The following PPP1R1C variants were observed in gnomAD, a reference collection of about 807,000 sequenced individuals.
PPP1R1C encodes protein phosphatase 1 regulatory subunit 1C.
A neutral mutation model predicts 17.4 loss-of-function variants in PPP1R1C; 15 were observed. The ratio of observed to expected loss-of-function variants is 0.86; its 90% CI spans 0.58 to 1.33. The LOEUF (loss-of-function observed/expected upper bound fraction) is 1.33, where lower values mean the gene tolerates loss of function less well. Among genes scored for constraint, PPP1R1C ranks in the 40% most tolerant of loss-of-function variants. The probability of loss-of-function intolerance (pLI) is 0.00; values close to 1 mark genes in which losing one functional copy is unlikely to be tolerated. For missense variants in PPP1R1C, 143 were observed against 130.0 expected (o/e 1.10, Z -0.48); for synonymous variants, 35 against 43.1 (o/e 0.81, Z 0.73).
chr2:182,097,887 A>T (rs1318932452), intron 4 of PPP1R1C, among the ~76,000 whole-genome samples: 4 of 151,942 alleles, frequency 2.6e-5, no homozygotes, highest in African/African-American at 9.7e-5. Flanking sequence ...CATATCAAAT[A>T]CTCCAAGGCA....
chr2:182,063,240 G>A (rs1477725172), intron 3 of PPP1R1C, among the ~76,000 whole-genome samples: 3 of 151,846 alleles, frequency 2.0e-5, no homozygotes, highest in Admixed American at 2.0e-4. Flanking sequence ...CAAGTAAATG[G>A]AGGTAATAGT....
At chr2:182,074,198 C>A (rs1056359134) in intron 4 of PPP1R1C, among the ~76,000 whole-genome samples, 1 of 151,926 alleles carries the variant, frequency 6.6e-6, no homozygotes, top group Non-Finnish European at 1.5e-5. Context: ...CCCGCCATCA[C>A]GCCCGGCTAA....
At chr2:182,008,475 C>T (rs906808431) in intron 2 of PPP1R1C, among the ~76,000 whole-genome samples, 4 of 152,046 alleles carry the variant, frequency 2.6e-5, no homozygotes, top group Admixed American at 2.6e-4. Context: ...ACTTAGCCAT[C>T]GAAGGATCCT....
At position 182,008,097 on chromosome 2, in the gene PPP1R1C, A is replaced by AAT. The variant is rs148484044; in HGVS notation, c.142+20199_142+20200insTA. Among the ~76,000 whole-genome samples the AAT allele has an allele frequency of 3.2e-3, 476 of 150,512 alleles. 1 individual carries two copies. The highest frequency in any genetic ancestry group is 4.8e-3 in the Non-Finnish European group (328 of 67,756). On this transcript the variant is annotated intron_variant, in intron 2 of 4. Coordinates refer to ENST00000682840, the MANE Select transcript of PPP1R1C (RefSeq NM_001080545.3). ...AAAACAAACAAATAAATAAAAAAAT[A>AAT]AAATAAAATGAAATCAATACTTTTG...
chr2:181,985,987 A>T lies in PPP1R1C; in HGVS notation c.-124A>T. On this transcript the variant is annotated 5_prime_UTR_variant, in exon 1 of 5. Coordinates refer to ENST00000682840, the MANE Select transcript of PPP1R1C (RefSeq NM_001080545.3). This position sits in a 1 kb window ranked among gnomAD's most constrained non-coding sequence, Gnocchi z 4.1. ...CTTCACTTGCTCGATCTGGAATTAC[A>T]GCTATTTATTACGAAGCACTCTGTG... is the stretch of plus-strand genomic sequence containing the variant. The T allele has an allele frequency of 1.3e-6, 1 of 747,014 alleles. No homozygotes were observed. Among genetic ancestry groups the T allele is most frequent in the Non-Finnish European group, 2.4e-6 (1 of 425,382 alleles). 46.3% of individuals were successfully genotyped at this position (747,014 alleles called of 1,614,324 possible). A position where few individuals can be genotyped will look rare whatever the true frequency, so the allele number is the denominator to read the frequency against.
intron 1 of PPP1R1C, among the ~76,000 whole-genome samples, chr2:181,970,193 G>T (rs1365283991): frequency 1.3e-5 from 2 of 151,260 alleles, no homozygotes; most frequent in Admixed American, 1.3e-4. Context: ...GCATGTGGTT[G>T]TTTATTGGTG....
intron 2 of PPP1R1C, among the ~76,000 whole-genome samples, chr2:181,994,760 A>G (rs1574360876): frequency 6.6e-6 from 1 of 152,198 alleles, no homozygotes; most frequent in South Asian, 2.1e-4. Context: ...GTCTGGATGT[A>G]CCATGATACA....
At chr2:182,058,606 C>G (rs1363401322) in intron 2 of PPP1R1C, among the ~76,000 whole-genome samples, 2 of 152,036 alleles carry the variant, frequency 1.3e-5, no homozygotes, top group Non-Finnish European at 2.9e-5. Flanking sequence ...ATGAGGAAGG[C>G]AGAGTAAGAA....
At chr2:182,057,018 A>T (rs908565424) in intron 2 of PPP1R1C, among the ~76,000 whole-genome samples, 3 of 152,204 alleles carry the variant, frequency 2.0e-5, no homozygotes, top group Non-Finnish European at 4.4e-5. Context: ...AAATTGTTAA[A>T]AGTATGTATT....
chr2:182,106,055 G>C lies in PPP1R1C; in HGVS notation c.242-11152G>C, dbSNP rs571637723. ...TCAGATTTTCCTTGGCTTATAGATG[G>C]TGTTCTCTGTGTGTTTTCATATCAT... On this transcript the variant is annotated intron_variant, in intron 4 of 4. Transcript: ENST00000682840. Among the ~76,000 whole-genome samples, 4 of 152,258 alleles carry C rather than the reference G, an allele frequency of 2.6e-5. No individual in the cohort carries two copies. In the South Asian group the frequency reaches 8.3e-4, roughly 32 times the overall value.
chr2:182,059,960 A>G (rs1369898832), intron 2 of PPP1R1C, among the ~76,000 whole-genome samples: 1 of 152,148 alleles, frequency 6.6e-6, no homozygotes, highest in African/African-American at 2.4e-5. Context: ...CTGGCATTTA[A>G]TCATCCAATG....
chr2:182,070,176 C>T (rs532826367), intron 4 of PPP1R1C, among the ~76,000 whole-genome samples: 1 of 152,260 alleles, frequency 6.6e-6, no homozygotes, highest in East Asian at 1.9e-4. Flanking sequence ...AAGGGACAGT[C>T]ATATTTACAT....
intron 4 of PPP1R1C, among the ~76,000 whole-genome samples, chr2:182,083,587 TA>T (rs1299773024): frequency 1.3e-5 from 2 of 152,188 alleles, no homozygotes; most frequent in Non-Finnish European, 2.9e-5. Context: ...TTGCAAAGGA[TA>T]TTTTTTTTCT....
intron 2 of PPP1R1C, among the ~76,000 whole-genome samples, chr2:182,020,499 G>A (rs192570577): frequency 8.5e-5 from 13 of 152,220 alleles, no homozygotes; most frequent in South Asian, 6.2e-4. Context: ...AGAATAAGTC[G>A]TTCCCTAGAG....
chr2:182,021,262 A>G (rs1686414504), intron 2 of PPP1R1C, among the ~76,000 whole-genome samples: 1 of 151,054 alleles, frequency 6.6e-6, no homozygotes, highest in Admixed American at 6.6e-5. Flanking sequence ...TTTGGGGTAT[A>G]AGAAGCTATT....
At chr2:182,102,505 G>C (rs1387211147) in intron 4 of PPP1R1C, among the ~76,000 whole-genome samples, 2 of 151,912 alleles carry the variant, frequency 1.3e-5, no homozygotes, top group Admixed American at 1.3e-4. Flanking sequence ...AGAAATAAAA[G>C]AATAAATATC....
intron 4 of PPP1R1C, among the ~76,000 whole-genome samples, chr2:182,110,083 G>C (rs1463362107): frequency 6.6e-6 from 1 of 151,232 alleles, no homozygotes; most frequent in Non-Finnish European, 1.5e-5. Flanking sequence ...CAATAATACA[G>C]AGTATACCTC....
At chr2:182,078,376 A>C (rs1688377835) in intron 4 of PPP1R1C, among the ~76,000 whole-genome samples, 2 of 152,044 alleles carry the variant, frequency 1.3e-5, no homozygotes, top group Admixed American at 1.3e-4. Flanking sequence ...GTAGGCAGGT[A>C]TTTTTTTCAG....
intron 2 of PPP1R1C, among the ~76,000 whole-genome samples, chr2:182,014,259 A>T (rs937576144): frequency 6.6e-6 from 1 of 152,156 alleles, no homozygotes; most frequent in African/African-American, 2.4e-5. Flanking sequence ...ATTAGGAGGC[A>T]CCCAAAGCCC....
Sources: gnomAD v4.1 joint callset for allele counts (sites outside exome capture counted in the v4.1 genomes callset) on GRCh38, gnomAD v4.1.1 for gene constraint, Gnocchi (gnomAD v3.1) non-coding constraint, MANE v1.5 for transcripts, NCBI Gene and HGNC (gene_info 2026-07-23, HGNC 2026-07-21) for gene names.